Variants in TLK1 observed in about 807,000 individuals in gnomAD.
The protein encoded by TLK1 is tousled like kinase 1.
In TLK1, 24 loss-of-function variants were observed where a neutral mutation model predicts 105.3. The observed-to-expected ratio is 0.23, with a 90% CI of 0.17 to 0.32. TLK1 has a LOEUF of 0.32. Among genes scored for constraint, TLK1 ranks in the 10% least tolerant of loss-of-function variants. TLK1 has a pLI of 1.00. For synonymous variants in TLK1, 321 were observed against 310.4 expected, an observed-to-expected ratio of 1.03 and a Z score of -0.36; for missense variants, 558 against 910.5, an observed-to-expected ratio of 0.61 and a Z score of 4.98.
intron 13 of TLK1, among the ~76,000 whole-genome samples, chr2:171,012,344 T>C (rs1344888977): frequency 6.6e-6 from 1 of 152,188 alleles, no homozygotes; most frequent in Admixed American, 6.5e-5. Context: ...TAAATGAAGG[T>C]ACTGATGCAC....
chr2:171,224,305 T>C (rs545943809), intron 1 of TLK1, among the ~76,000 whole-genome samples: 11 of 152,356 alleles, frequency 7.2e-5, no homozygotes, highest in Admixed American at 2.0e-4. Context: ...CATTGGTTGA[T>C]GTTTTTATGT....
chr2:170,997,111 T>C (rs1684102782), intron 19 of TLK1, among the ~76,000 whole-genome samples: 1 of 152,210 alleles, frequency 6.6e-6, no homozygotes, highest in African/African-American at 2.4e-5. Context: ...CTATGACAAT[T>C]TCCAAAGAAT....
At chr2:171,168,946 C>T (rs766231225) in intron 1 of TLK1, among the ~76,000 whole-genome samples, 2 of 151,978 alleles carry the variant, frequency 1.3e-5, no homozygotes, top group Non-Finnish European at 2.9e-5. Context: ...GGTGTGGTGG[C>T]GCATGCCTGT....
At chr2:171,181,596 G>A (rs1344846403) in intron 1 of TLK1, among the ~76,000 whole-genome samples, 1 of 152,338 alleles carries the variant, frequency 6.6e-6, no homozygotes. Context: ...ATGGTGGAAA[G>A]CGAAGGGGAA....
chr2:171,199,383 C>CA (rs1693355120), intron 1 of TLK1, among the ~76,000 whole-genome samples: 1 of 152,100 alleles, frequency 6.6e-6, no homozygotes, highest in Non-Finnish European at 1.5e-5. Flanking sequence ...TGGTGGCATG[C>CA]ACCTGTAATC....
intron 3 of TLK1, among the ~76,000 whole-genome samples, chr2:171,081,907 C>T (rs1369500943): frequency 6.6e-6 from 1 of 152,072 alleles, no homozygotes; most frequent in African/African-American, 2.4e-5. Flanking sequence ...TTTCTGAGTG[C>T]TAATGAACTA....
At chr2:170,994,073 G>T in intron 20 of TLK1, 117 bp from the exon 21 acceptor site, 3 of 1,165,948 alleles carry the variant, frequency 2.6e-6, no homozygotes, top group South Asian at 2.6e-5. Context: ...TCATTTTATT[G>T]GAAGTTCAAA....
At chr2:171,081,030 C>T (rs1170105704) in intron 3 of TLK1, among the ~76,000 whole-genome samples, 1 of 152,182 alleles carries the variant, frequency 6.6e-6, no homozygotes, top group Non-Finnish European at 1.5e-5. Context: ...AGATTTTCTA[C>T]TGCTGCCCCA....
intron 1 of TLK1, among the ~76,000 whole-genome samples, chr2:171,187,258 C>T (rs189096662): frequency 8.9e-4 from 136 of 152,122 alleles, no homozygotes; most frequent in African/African-American, 3.2e-3. Flanking sequence ...TTGGCATCCA[C>T]TCCTAGGAGC....
chr2:171,226,958 A>G (rs1245590276), intron 1 of TLK1, among the ~76,000 whole-genome samples: 2 of 152,224 alleles, frequency 1.3e-5, no homozygotes, highest in East Asian at 3.8e-4. Flanking sequence ...GAATTAGAAA[A>G]TAAATTTCAG....
intron 11 of TLK1, among the ~76,000 whole-genome samples, chr2:171,029,363 C>T (rs6757510): frequency 0.21 from 31,514 of 152,172 alleles, 3,880 homozygotes; most frequent in Non-Finnish European, 0.28. Context: ...GGTACAGTGG[C>T]TCACGCCTGT....
chr2:171,160,737 G>T lies in TLK1; in HGVS notation c.-309C>A. On this transcript the variant is annotated 5_prime_UTR_variant, in exon 1 of 21. Coordinates refer to ENST00000431350, the MANE Select transcript of TLK1 (RefSeq NM_012290.5). This position sits in a 1 kb window ranked among gnomAD's most constrained non-coding sequence, Gnocchi z 4.4. ...CGTCGAGGGGGTGCCAGCCGGGCCG[G>T]GGTCGGAGCGCGGGCGGAGCGCGGG... The T allele has an allele frequency of 2.2e-6, 1 of 447,012 alleles. No individual in the cohort carries two copies. Among genetic ancestry groups the T allele is most frequent in the Non-Finnish European group, 3.8e-6 (1 of 261,074 alleles). The allele number at this position is 447,012 out of a possible 1,614,324, so 27.7% of individuals were successfully genotyped here.
chr2:171,099,447 A>AGT (rs1689596409), intron 2 of TLK1, among the ~76,000 whole-genome samples: 1 of 152,200 alleles, frequency 6.6e-6, no homozygotes, highest in African/African-American at 2.4e-5. Context: ...TTCAACCTAG[A>AGT]CATTCACCAA....
chr2:171,047,114 A>G (rs920621831), intron 10 of TLK1, among the ~76,000 whole-genome samples: 1 of 152,180 alleles, frequency 6.6e-6, no homozygotes, highest in Non-Finnish European at 1.5e-5. Flanking sequence ...AATAAAATCA[A>G]TGCTTCCCAT....
At chr2:171,230,568 C>A (rs1479421364) in intron 1 of TLK1, among the ~76,000 whole-genome samples, 2 of 152,300 alleles carry the variant, frequency 1.3e-5, no homozygotes, top group Non-Finnish European at 2.9e-5. Context: ...TTGGACCACT[C>A]TAAAACCCCT....
chr2:171,063,543 G>C (rs572743056), intron 3 of TLK1, among the ~76,000 whole-genome samples: 127 of 152,088 alleles, frequency 8.4e-4, no homozygotes, highest in Non-Finnish European at 1.3e-3. Context: ...AGGTACTCTT[G>C]AACAGGCAAA....
At chr2:171,155,097 T>C (rs1692183298) in intron 1 of TLK1, among the ~76,000 whole-genome samples, 1 of 152,200 alleles carries the variant, frequency 6.6e-6, no homozygotes, top group Non-Finnish European at 1.5e-5. Context: ...TCAAAAGAGA[T>C]CAATTTAAAC....
intron 2 of TLK1, among the ~76,000 whole-genome samples, chr2:171,115,170 CTTTCT>C (rs1366353269): frequency 1.5e-5 from 2 of 135,770 alleles, no homozygotes; most frequent in Non-Finnish European, 3.1e-5. Context: ...TTAAGAATTT[CTTTCT>C]TTTTTTTTTT....
intron 12 of TLK1, among the ~76,000 whole-genome samples, chr2:171,017,246 G>C (rs1685253264): frequency 6.6e-6 from 1 of 152,048 alleles, no homozygotes; most frequent in Non-Finnish European, 1.5e-5. Flanking sequence ...GTAGAATCTA[G>C]ATTCAATTCT....
Sources: allele counts gnomAD v4.1 joint callset (sites outside exome capture counted in the v4.1 genomes callset), GRCh38; gene constraint gnomAD v4.1.1; non-coding constraint Gnocchi (gnomAD v3.1); transcripts MANE v1.5; gene names NCBI Gene and HGNC (gene_info 2026-07-23, HGNC 2026-07-21).